The following ANKRD31 variants were observed in gnomAD, a reference collection of about 807,000 sequenced individuals.
ANKRD31 encodes ankyrin repeat domain-containing protein 31.
In ANKRD31, 147 loss-of-function variants were observed where a neutral mutation model predicts 186.0. That is an observed-to-expected ratio of 0.79 (90% CI 0.69 to 0.91). The LOEUF is 0.91. Among genes scored for constraint, ANKRD31 ranks in the 40% least tolerant of loss-of-function variants. ANKRD31 has a pLI of 0.00. For synonymous variants in ANKRD31, 673 were observed against 736.4 expected, an observed-to-expected ratio of 0.91 and a Z score of 1.39; for missense variants, 1,986 against 2,148.8, an observed-to-expected ratio of 0.92 and a Z score of 1.50.
chr5:75,095,063 G>A (rs1218219710), intron 22 of ANKRD31, among the ~76,000 whole-genome samples: 1 of 151,848 alleles, frequency 6.6e-6, no homozygotes, highest in Non-Finnish European at 1.5e-5. Flanking sequence ...AGAAATGAAG[G>A]GAGAAATAGT....
intron 10 of ANKRD31, among the ~76,000 whole-genome samples, chr5:75,174,214 A>C (rs925507965): frequency 2.6e-5 from 4 of 152,210 alleles, no homozygotes; most frequent in African/African-American, 7.2e-5. Context: ...CTTACACCTT[A>C]TACAAAAATT....
intron 6 of ANKRD31, among the ~76,000 whole-genome samples, chr5:75,198,677 G>A (rs140967998): frequency 1.3e-5 from 2 of 152,092 alleles, no homozygotes; most frequent in African/African-American, 2.4e-5. Flanking sequence ...GGTCAAGATC[G>A]CCAGAATTAT....
chr5:75,176,505 C>T (rs574002347), intron 10 of ANKRD31, among the ~76,000 whole-genome samples: 1 of 152,292 alleles, frequency 6.6e-6, no homozygotes, highest in African/African-American at 2.4e-5. Flanking sequence ...ACTGACACCT[C>T]ACATGGCCGG....
At chr5:75,109,199 T>C (rs1041260598) in intron 20 of ANKRD31, among the ~76,000 whole-genome samples, 2 of 152,040 alleles carry the variant, frequency 1.3e-5, no homozygotes, top group Non-Finnish European at 2.9e-5. Context: ...CAGAAAAAAA[T>C]TTCAGATGAA....
intron 10 of ANKRD31, among the ~76,000 whole-genome samples, chr5:75,177,734 C>T (rs1454532179): frequency 1.3e-5 from 2 of 152,068 alleles, no homozygotes; most frequent in African/African-American, 2.4e-5. Flanking sequence ...CTGAAGGAAG[C>T]ACTAAACATG....
intron 5 of ANKRD31, among the ~76,000 whole-genome samples, chr5:75,202,650 T>C (rs1330614797): frequency 6.6e-6 from 1 of 152,256 alleles, no homozygotes; most frequent in Non-Finnish European, 1.5e-5. Context: ...TTTATCTTTC[T>C]ACAATTTGAT....
intron 20 of ANKRD31, among the ~76,000 whole-genome samples, chr5:75,111,742 G>A (rs1481351076): frequency 1.3e-5 from 2 of 152,142 alleles, no homozygotes; most frequent in South Asian, 4.1e-4. Context: ...ACTGAAGTTT[G>A]AGAAAATAAG....
chr5:75,131,022 C>T lies in ANKRD31; in HGVS notation c.3876+6834G>A, dbSNP rs559984194. On this transcript the variant is annotated intron_variant, in intron 17 of 25. Coordinates refer to ENST00000506364, the MANE Select transcript of ANKRD31 (RefSeq NM_001372053.1). ...CAAAGAGAGAACGGTGGTCCATGCA[C>T]GGGACCCAGCCTCCTATCAAGCCCA... Among the ~76,000 whole-genome samples the T allele has an allele frequency of 3.3e-4, 50 of 152,346 alleles. No individual in the cohort carries two copies. In the South Asian group the frequency reaches 7.9e-3, roughly 24 times the overall value.
At chr5:75,217,316 T>C (rs1757019559) in intron 3 of ANKRD31, among the ~76,000 whole-genome samples, 1 of 152,084 alleles carries the variant, frequency 6.6e-6, no homozygotes, top group African/African-American at 2.4e-5. Flanking sequence ...ACTGTTGGTG[T>C]GGTGTTGAAG....
At chr5:75,098,094 G>T (rs147102019) in intron 22 of ANKRD31, among the ~76,000 whole-genome samples, 1 of 151,640 alleles carries the variant, frequency 6.6e-6, no homozygotes, top group African/African-American at 2.4e-5. Flanking sequence ...GCGCAATCTC[G>T]GCTCACTGCA....
intron 7 of ANKRD31, among the ~76,000 whole-genome samples, chr5:75,194,194 T>A (rs1449583544): frequency 1.3e-5 from 2 of 152,154 alleles, no homozygotes; most frequent in Non-Finnish European, 2.9e-5. Flanking sequence ...CTTCTCAAGG[T>A]AACAAGCTCC....
At chr5:75,094,859 C>T (rs79844816) in intron 22 of ANKRD31, among the ~76,000 whole-genome samples, 6,786 of 151,598 alleles carry the variant, frequency 0.045, 356 homozygotes, top group African/African-American at 0.12. Context: ...TCATATAAAC[C>T]GCAACCACAA....
At chr5:75,174,217 C>T (rs1377410611) in intron 10 of ANKRD31, among the ~76,000 whole-genome samples, 1 of 152,116 alleles carries the variant, frequency 6.6e-6, no homozygotes, top group Non-Finnish European at 1.5e-5. Flanking sequence ...ACACCTTATA[C>T]AAAAATTAAT....
intron 23 of ANKRD31, among the ~76,000 whole-genome samples, chr5:75,088,306 T>A (rs1413886685): frequency 1.3e-5 from 2 of 152,076 alleles, no homozygotes; most frequent in Non-Finnish European, 2.9e-5. Flanking sequence ...AGGGTGGAAA[T>A]AAGGATGGAA....
In ANKRD31 at chr5:75,069,489, G is replaced by A. The variant is rs546288322; in HGVS notation, c.5648-825C>T. On this transcript the variant is annotated intron_variant, in intron 25 of 25. Transcript: ENST00000506364. ...TGAACAGGTATAGATTCAGGGGTCA[G>A]AACATATCCCATTCAGAGAGAAGTG... is the stretch of plus-strand genomic sequence containing the variant. Among the ~76,000 whole-genome samples the A allele has an allele frequency of 2.6e-5, 4 of 152,248 alleles. No homozygotes were observed. The South Asian group carries it at 8.3e-4, about 32-fold the overall frequency.
At chr5:75,179,276 T>C (rs1754079757) in intron 10 of ANKRD31, among the ~76,000 whole-genome samples, 1 of 152,028 alleles carries the variant, frequency 6.6e-6, no homozygotes, top group Non-Finnish European at 1.5e-5. Flanking sequence ...CAGGACCAGA[T>C]GGATTCACAG....
intron 22 of ANKRD31, among the ~76,000 whole-genome samples, chr5:75,101,210 C>T (rs994164857): frequency 1.3e-5 from 2 of 152,182 alleles, no homozygotes; most frequent in Non-Finnish European, 2.9e-5. Context: ...ATATGAAATT[C>T]TGGGTTGAAA....
intron 6 of ANKRD31, among the ~76,000 whole-genome samples, chr5:75,198,805 ATCATTGCTCGGTCC>A (rs1755632047): frequency 6.6e-6 from 1 of 152,204 alleles, no homozygotes; most frequent in African/African-American, 2.4e-5. Context: ...ATCATGAACC[ATCATTGCTCGGTCC>A]TCACAATACC....
At chr5:75,088,261 A>C (rs1319077403) in intron 23 of ANKRD31, among the ~76,000 whole-genome samples, 1 of 152,194 alleles carries the variant, frequency 6.6e-6, no homozygotes, top group African/African-American at 2.4e-5. Context: ...GGGGAACCAC[A>C]GAAAAAAGTG....
Sources: allele counts gnomAD v4.1 joint callset (sites outside exome capture counted in the v4.1 genomes callset), GRCh38; gene constraint gnomAD v4.1.1; transcripts MANE v1.5; gene names NCBI Gene and HGNC (gene_info 2026-07-23, HGNC 2026-07-21).